ANO3: variants seen among roughly 807,000 people sequenced by gnomAD.
ANO3 encodes anoctamin 3.
A neutral mutation model predicts 144.8 loss-of-function variants in ANO3; 99 were observed. The observed-to-expected ratio is 0.68, with a 90% CI of 0.58 to 0.81. The LOEUF is 0.81. ANO3 is among the 30% of genes least tolerant of loss of function. The pLI is 0.00. For missense variants in ANO3, 905 were observed against 1,202.2 expected, an observed-to-expected ratio of 0.75 and a Z score of 3.66; for synonymous variants, 414 against 392.6, an observed-to-expected ratio of 1.05 and a Z score of -0.64.
At chr11:26,305,032 G>T (rs1854345668), upstream of ANO3, among the ~76,000 whole-genome samples, 1 of 150,928 alleles carries the variant, frequency 6.6e-6, no homozygotes, top group Non-Finnish European at 1.5e-5. Flanking sequence ...AAAAGAAAAG[G>T]GTCCAGTTCG....
chr11:26,463,588 G>C (rs1487751310), intron 4 of ANO3, among the ~76,000 whole-genome samples: 2 of 151,810 alleles, frequency 1.3e-5, no homozygotes, highest in East Asian at 1.9e-4. Context: ...TGCTTGACAA[G>C]ATTATTGGAA....
intron 4 of ANO3, among the ~76,000 whole-genome samples, chr11:26,467,019 T>C (rs1859624155): frequency 6.6e-6 from 1 of 151,948 alleles, no homozygotes; most frequent in African/African-American, 2.4e-5. Context: ...TTTCTAAAAT[T>C]GTTTTTTTTA....
intron 1 of ANO3, among the ~76,000 whole-genome samples, chr11:26,294,934 C>G (rs1192199597): frequency 1.3e-5 from 2 of 151,778 alleles, no homozygotes; most frequent in African/African-American, 4.8e-5. Context: ...GAGTCTTTCT[C>G]CCTTGCCAGG....
At chr11:26,529,140 TA>T (rs1849247096) in intron 7 of ANO3, among the ~76,000 whole-genome samples, 1 of 2,714 alleles carries the variant, frequency 3.7e-4, no homozygotes, top group African/African-American at 4.5e-4. Flanking sequence ...TAATATATAT[TA>T]TATAATAATA....
intron 12 of ANO3, among the ~76,000 whole-genome samples, chr11:26,548,478 G>A (rs1194360104): frequency 6.6e-6 from 1 of 151,752 alleles, no homozygotes; most frequent in Non-Finnish European, 1.5e-5. Flanking sequence ...TTTTAACCAT[G>A]GCCTTGCTAC....
At chr11:26,455,985 A>G (rs1052013752) in intron 3 of ANO3, among the ~76,000 whole-genome samples, 12 of 151,598 alleles carry the variant, frequency 7.9e-5, no homozygotes, top group Admixed American at 6.6e-4. Context: ...AGGATTCCCT[A>G]TTTAATAAAT....
At chr11:26,258,494 G>T (rs1403379956) in intron 1 of ANO3, among the ~76,000 whole-genome samples, 1 of 152,152 alleles carries the variant, frequency 6.6e-6, no homozygotes, top group Non-Finnish European at 1.5e-5. Flanking sequence ...GAATCTTGAG[G>T]TCTAACTGGA....
At chr11:26,412,826 G>GTGTGTGTGTGTGTGTGTGTGTA (rs1157559353) in intron 1 of ANO3, among the ~76,000 whole-genome samples, 147 of 151,308 alleles carry the variant, frequency 9.7e-4, no homozygotes, top group African/African-American at 3.4e-3. Flanking sequence ...GTGTGTGTGT[G>GTGTGTGTGTGTGTGTGTGTGTA]TGTATGTATG....
intron 20 of ANO3, 65 bp downstream of exon 20, chr11:26,635,135 A>G (rs1852910347): frequency 2.1e-6 from 3 of 1,409,496 alleles, no homozygotes; most frequent in Admixed American, 1.7e-5. Context: ...CTGCGGGAGG[A>G]AGGGAGCTGA....
chr11:26,297,821 C>T (rs1337445218), intron 1 of ANO3, among the ~76,000 whole-genome samples: 2 of 152,102 alleles, frequency 1.3e-5, no homozygotes, highest in African/African-American at 2.4e-5. Flanking sequence ...TTATTCATGC[C>T]GTTGTTTATA....
Position 26,663,198 on chromosome 11 carries a change from A to G in ANO3, c.*2754A>G, listed in dbSNP as rs1444063934. The G allele has an allele frequency of 6.6e-6, 1 of 152,096 alleles. No individual in the cohort carries two copies. Among genetic ancestry groups the G allele is most frequent in the African/African-American group, 2.4e-5 (1 of 41,430 alleles). The allele number at this position is 152,096 out of a possible 1,614,324, so 9.4% of individuals were successfully genotyped here. The stretch of plus-strand genomic sequence containing the variant: ...ATGAGATACAACTTCTGAATGCTGC[A>G]CATTCTTCCAAAATGATCCTTAGCA... On this transcript the variant is annotated 3_prime_UTR_variant, in exon 27 of 27. Transcript: ENST00000256737.
chr11:26,522,906 T>C (rs389051), intron 6 of ANO3, among the ~76,000 whole-genome samples: 120,957 of 152,070 alleles, frequency 0.8, 48,273 homozygotes, highest in East Asian at 0.85. Flanking sequence ...CAACCTATTG[T>C]AAGCGTGTTC....
chr11:26,534,489 C>T lies in ANO3; in HGVS notation c.903C>T (p.Ser301=). ...TAAATAATAAAGACACCTTCTTCAGCAATGCTACTCGAAGCAGAATAGTCT... is the reference window on the plus strand; with the variant it reads ...TAAATAATAAAGACACCTTCTTCAGTAATGCTACTCGAAGCAGAATAGTCT... ...FIINNKDTFF[S]NATRSRIVYH... is the part of the protein sequence containing the mutation. Residue 301 remains serine (S), a synonymous_variant, in exon 9 of 27, where the codon AGC becomes AGT. Transcript: ENST00000256737. 6 of 1,612,812 alleles carry T rather than the reference C, an allele frequency of 3.7e-6. No homozygotes were observed. Among genetic ancestry groups the T allele is most frequent in the Non-Finnish European group, 5.1e-6 (6 of 1,179,188 alleles).
chr11:26,220,512 C>T (rs1005334309), intron 1 of ANO3, among the ~76,000 whole-genome samples: 1 of 136,188 alleles, frequency 7.3e-6, no homozygotes, highest in African/African-American at 2.5e-5. Flanking sequence ...GGCAGTCATT[C>T]TCACTTCTTA....
chr11:26,293,530 C>CATAAAT (rs375743472), intron 1 of ANO3, among the ~76,000 whole-genome samples: 2 of 62,434 alleles, frequency 3.2e-5, no homozygotes, highest in African/African-American at 1.3e-4. Flanking sequence ...CTATAAATTC[C>CATAAAT]ATGTATATAT....
chr11:26,468,499 A>G (rs896695346), intron 4 of ANO3, among the ~76,000 whole-genome samples: 1 of 151,998 alleles, frequency 6.6e-6, no homozygotes, highest in Non-Finnish European at 1.5e-5. Flanking sequence ...TGGCATTGGC[A>G]GATGGTACTC....
intron 1 of ANO3, among the ~76,000 whole-genome samples, chr11:26,243,311 T>C (rs55639114): frequency 0.042 from 6,348 of 152,212 alleles, 183 homozygotes; most frequent in Non-Finnish European, 0.059. Context: ...CATTCTCTTC[T>C]CTTTCTCTTA....
chr11:26,572,431 T>A (rs1850865579), intron 14 of ANO3, among the ~76,000 whole-genome samples: 1 of 151,852 alleles, frequency 6.6e-6, no homozygotes. Context: ...AGGACAAAGA[T>A]TTTGGCAAAG....
chr11:26,345,367 C>T (rs1855472853), intron 1 of ANO3, among the ~76,000 whole-genome samples: 1 of 152,108 alleles, frequency 6.6e-6, no homozygotes, highest in South Asian at 2.1e-4. Flanking sequence ...CCAGCCTGGC[C>T]AACATGGTGA....
Sources: gnomAD v4.1 joint callset for allele counts (sites outside exome capture counted in the v4.1 genomes callset) on GRCh38, gnomAD v4.1.1 for gene constraint, MANE v1.5 for transcripts, NCBI Gene and HGNC (gene_info 2026-07-23, HGNC 2026-07-21) for gene names.